DACH1: variants seen among roughly 807,000 people sequenced by gnomAD.
DACH1 encodes the protein dachshund homolog 1.
A neutral mutation model predicts 54.2 loss-of-function variants in DACH1; 12 were observed. That is an observed-to-expected ratio of 0.22 (90% CI 0.14 to 0.36). The LOEUF (loss-of-function observed/expected upper bound fraction) is 0.36. DACH1 is among the 10% of genes least tolerant of loss of function. The pLI is 1.00. For synonymous variants in DACH1, 386 were observed against 366.2 expected (o/e 1.05, Z -0.62); for missense variants, 805 against 929.8 (o/e 0.87, Z 1.75).
chr13:71,772,475 C>T (rs1027252645), intron 1 of DACH1, among the ~76,000 whole-genome samples: 1 of 151,622 alleles, frequency 6.6e-6, no homozygotes, highest in Middle Eastern at 3.2e-3. Context: ...AAGTCATTAA[C>T]CATTCTCTCA....
chr13:71,587,647 T>C (rs949348859), intron 3 of DACH1, among the ~76,000 whole-genome samples: 1 of 152,094 alleles, frequency 6.6e-6, no homozygotes, highest in Non-Finnish European at 1.5e-5. Flanking sequence ...TGTTTTACTC[T>C]AAGAAAGCTT....
intron 1 of DACH1, among the ~76,000 whole-genome samples, chr13:71,863,228 C>T (rs1874471295): frequency 6.6e-6 from 1 of 151,870 alleles, no homozygotes; most frequent in Non-Finnish European, 1.5e-5. Flanking sequence ...ATAGGGTAAA[C>T]AGTATATTTG....
intron 2 of DACH1, among the ~76,000 whole-genome samples, chr13:71,657,514 G>C (rs1879196488): frequency 6.9e-6 from 1 of 144,330 alleles, no homozygotes; most frequent in African/African-American, 2.6e-5. Context: ...AAGAAAAAAA[G>C]TTTATTTTTA....
In DACH1 at chr13:71,475,786, T is replaced by G; in HGVS notation, c.1934A>C (p.Glu645Ala). Reference protein sequence around the residue: ...KAKRKLQEALEFETKRREQAE... With the variant: ...KAKRKLQEALAFETKRREQAE... ...TTGTTCACGCCGTTTCGTCTCAAAC[T>G]CAAGTGCTTCCTGCAATTTTCTCTT... The change falls in exon 9 of 11, where the codon GAG (glutamate) becomes GCG (alanine). Residue 645 changes from glutamate (E) to alanine (A), a missense_variant. Glu to Ala is a moderately radical substitution (Grantham distance 107, BLOSUM62 -1). Around this residue, in one of 3 missense-constraint regions of DACH1, gnomAD observed 472 missense variants for 545.3 expected, o/e 0.87. Coordinates refer to ENST00000613252, the MANE Select transcript of DACH1 (RefSeq NM_080759.6). 1 of 1,613,760 alleles carries G rather than the reference T, an allele frequency of 6.2e-7. No homozygotes were observed. The highest frequency in any genetic ancestry group is 8.5e-7 in the Non-Finnish European group (1 of 1,179,912).
intron 1 of DACH1, among the ~76,000 whole-genome samples, chr13:71,685,457 A>C (rs1428704731): frequency 1.3e-5 from 2 of 152,194 alleles, no homozygotes; most frequent in East Asian, 3.9e-4. Flanking sequence ...GGACAAGTAA[A>C]TCACTTATTC....
chr13:71,447,700 G>C (rs1874594254), intron 10 of DACH1, among the ~76,000 whole-genome samples: 1 of 151,842 alleles, frequency 6.6e-6, no homozygotes, highest in South Asian at 2.1e-4. Context: ...GGATGTGGTG[G>C]CACACGCCTG....
At chr13:71,848,213 CCA>C (rs1491546209) in intron 1 of DACH1, among the ~76,000 whole-genome samples, 5 of 122,662 alleles carry the variant, frequency 4.1e-5, no homozygotes, top group South Asian at 2.3e-4. Context: ...TTATCCCCCC[CCA>C]AAAAAATGGT....
At chr13:71,714,875 C>T (rs1232324803) in intron 1 of DACH1, among the ~76,000 whole-genome samples, 1 of 152,016 alleles carries the variant, frequency 6.6e-6, no homozygotes, top group Non-Finnish European at 1.5e-5. Context: ...AAGTATTGGT[C>T]TACCCTTTCA....
At chr13:71,688,401 A>G (rs894946865) in intron 1 of DACH1, among the ~76,000 whole-genome samples, 2 of 152,236 alleles carry the variant, frequency 1.3e-5, no homozygotes, top group African/African-American at 4.8e-5. Flanking sequence ...CAAATCATCC[A>G]GAAGCTATAT....
At chr13:71,667,540 T>C (rs1485377386) in intron 2 of DACH1, among the ~76,000 whole-genome samples, 1 of 152,234 alleles carries the variant, frequency 6.6e-6, no homozygotes, top group African/African-American at 2.4e-5. Context: ...AAAATGTCTA[T>C]ATTCCAATAG....
chr13:71,488,542 A>AT (rs1464429936), intron 7 of DACH1, among the ~76,000 whole-genome samples: 1 of 152,032 alleles, frequency 6.6e-6, no homozygotes, highest in Non-Finnish European at 1.5e-5. Context: ...GAAAGAAGGC[A>AT]TTTTTTTGGA....
chr13:71,684,311 G>C (rs1450903226), intron 1 of DACH1, among the ~76,000 whole-genome samples: 1 of 152,056 alleles, frequency 6.6e-6, no homozygotes, highest in Non-Finnish European at 1.5e-5. Context: ...GATATCAGTG[G>C]TTCCCTACTG....
At chr13:71,471,332 T>C (rs1287107582) in intron 10 of DACH1, among the ~76,000 whole-genome samples, 1 of 151,902 alleles carries the variant, frequency 6.6e-6, no homozygotes, top group South Asian at 2.1e-4. Context: ...AGAGGATACA[T>C]ACCGTTTTGT....
intron 2 of DACH1, among the ~76,000 whole-genome samples, chr13:71,639,178 C>T (rs1208636045): frequency 6.6e-6 from 1 of 152,044 alleles, no homozygotes; most frequent in Non-Finnish European, 1.5e-5. Context: ...GAAACTGACA[C>T]TAACTTTCAG....
rs1264420179 is a variant in DACH1, at chr13:71,440,498, T to TG, written c.*156_*157insC. 1 of 586,730 alleles carries TG rather than the reference T, an allele frequency of 1.7e-6. No homozygotes were observed. Among genetic ancestry groups the TG allele is most frequent in the Non-Finnish European group, 2.9e-6 (1 of 342,416 alleles). The allele number at this position is 586,730 out of a possible 1,614,324, so 36.3% of individuals were successfully genotyped here. A position where few individuals can be genotyped will look rare whatever the true frequency, so the allele number is the denominator to read the frequency against. ...GTGAAAATCAATGGAGAAAACTTTT[T>TG]TTTTTTTTGTAGAATACTTAAACTT... On this transcript the variant is annotated 3_prime_UTR_variant, in exon 11 of 11. Coordinates refer to ENST00000613252, the MANE Select transcript of DACH1 (RefSeq NM_080759.6).
chr13:71,518,493 C>A (rs113184225), intron 6 of DACH1, among the ~76,000 whole-genome samples: 2 of 151,846 alleles, frequency 1.3e-5, no homozygotes, highest in Non-Finnish European at 2.9e-5. Context: ...TTCTACAGTG[C>A]TACCTAACTT....
intron 7 of DACH1, among the ~76,000 whole-genome samples, chr13:71,482,039 T>C (rs1447812534): frequency 1.3e-5 from 2 of 152,204 alleles, no homozygotes; most frequent in African/African-American, 2.4e-5. Context: ...GTTCTTAGGA[T>C]ACTGAAGTCG....
At chr13:71,728,658 A>T (rs892687825) in intron 1 of DACH1, among the ~76,000 whole-genome samples, 19 of 152,036 alleles carry the variant, frequency 1.2e-4, no homozygotes, top group African/African-American at 4.3e-4. Context: ...AGCAAACAAC[A>T]GATAAGCTCA....
chr13:71,819,568 G>A (rs1402741706), intron 1 of DACH1, among the ~76,000 whole-genome samples: 2 of 152,150 alleles, frequency 1.3e-5, no homozygotes, highest in African/African-American at 4.8e-5. Flanking sequence ...TGTAAGAAAG[G>A]ATTAGAGGTC....
Sources: allele counts gnomAD v4.1 joint callset (sites outside exome capture counted in the v4.1 genomes callset), GRCh38; gene constraint gnomAD v4.1.1; regional missense constraint gnomAD v4.1.1; transcripts MANE v1.5; gene names NCBI Gene and HGNC (gene_info 2026-07-23, HGNC 2026-07-21).